SLC17A1: variants seen among roughly 807,000 people sequenced by gnomAD.
The protein encoded by SLC17A1 is sodium-dependent phosphate transport protein 1.
A neutral mutation model predicts 53.5 loss-of-function variants in SLC17A1; 51 were observed. That is an observed-to-expected ratio of 0.95 (90% CI 0.76 to 1.20). The LOEUF is 1.20. Ranked by LOEUF, SLC17A1 falls within the 50% of genes most tolerant of loss-of-function variation. The pLI is 0.00. For synonymous variants in SLC17A1, 179 were observed against 198.8 expected (o/e 0.90, Z 0.84); for missense variants, 538 against 568.2 (o/e 0.95, Z 0.54).
chr6:25,783,999 T>TG (rs5875066), intron 12 of SLC17A1, among the ~76,000 whole-genome samples: 104,696 of 151,946 alleles, frequency 0.69, 37,161 homozygotes, highest in East Asian at 0.92. Context: ...GGTTCTAAAC[T>TG]GGGTGTCAAT....
At chr6:25,787,663 C>T (rs1763413803) in intron 12 of SLC17A1, among the ~76,000 whole-genome samples, 1 of 152,220 alleles carries the variant, frequency 6.6e-6, no homozygotes, top group South Asian at 2.1e-4. Flanking sequence ...ACAACTTAAG[C>T]ATTGTGAAAC....
At chr6:25,790,928 T>C (rs950669635) in intron 12 of SLC17A1, among the ~76,000 whole-genome samples, 1 of 152,164 alleles carries the variant, frequency 6.6e-6, no homozygotes, top group Non-Finnish European at 1.5e-5. Context: ...CAATAGTTTT[T>C]TCAGTTAAAA....
At chr6:25,794,244 G>C (rs1763559892) in intron 12 of SLC17A1, among the ~76,000 whole-genome samples, 1 of 152,046 alleles carries the variant, frequency 6.6e-6, no homozygotes, top group Non-Finnish European at 1.5e-5. Context: ...CCTTAAATCT[G>C]CCTCTCCTTA....
chr6:25,764,493 G>A, the SLC17A1 span, among the ~76,000 whole-genome samples: 1 of 152,162 alleles, frequency 6.6e-6, no homozygotes, highest in African/African-American at 2.4e-5. Context: ...TGAAACTAAG[G>A]AATTATTCCT....
At chr6:25,776,979 C>G in the SLC17A1 span, 2 of 1,592,564 alleles carry the variant, frequency 1.3e-6, no homozygotes, top group Admixed American at 1.7e-5. Flanking sequence ...TCTTTTGCCT[C>G]ATCCTTTCAG....
the SLC17A1 span, among the ~76,000 whole-genome samples, chr6:25,772,901 T>C: frequency 6.6e-6 from 1 of 152,212 alleles, no homozygotes; most frequent in Non-Finnish European, 1.5e-5. Context: ...AATCATTTAT[T>C]CCCATGGTTC....
At chr6:25,725,018 A>AT in the SLC17A1 span, among the ~76,000 whole-genome samples, 92,779 of 141,936 alleles carry the variant, frequency 0.65, 30,793 homozygotes, top group Middle Eastern at 0.76. Context: ...TAACCAAATG[A>AT]TTTTTTTTTT....
the SLC17A1 span, among the ~76,000 whole-genome samples, chr6:25,750,206 C>T: frequency 3.3e-5 from 5 of 152,244 alleles, no homozygotes; most frequent in Non-Finnish European, 4.4e-5. Flanking sequence ...GGCAGTAGTA[C>T]TTAATTTGCA....
chr6:25,731,358 G>A, the SLC17A1 span, among the ~76,000 whole-genome samples: 19 of 152,350 alleles, frequency 1.2e-4, no homozygotes, highest in East Asian at 3.5e-3. Flanking sequence ...TATGGCCAAA[G>A]TCAAGAAAAA....
chr6:25,772,411 G>C, the SLC17A1 span, among the ~76,000 whole-genome samples: 109,856 of 152,064 alleles, frequency 0.72, 43,854 homozygotes, highest in East Asian at 0.94. Context: ...AGCAAAAAGC[G>C]TGGTGTATAG....
chr6:25,774,499 A>G, the SLC17A1 span, among the ~76,000 whole-genome samples: 1 of 152,324 alleles, frequency 6.6e-6, no homozygotes, highest in African/African-American at 2.4e-5. Context: ...GCATGCAAGC[A>G]GGCTGCAGGC....
At chr6:25,790,246 A>C (rs1374368311) in intron 12 of SLC17A1, among the ~76,000 whole-genome samples, 1 of 152,144 alleles carries the variant, frequency 6.6e-6, no homozygotes, top group Non-Finnish European at 1.5e-5. Context: ...CCAATAGATT[A>C]ATGAAGCCCA....
the SLC17A1 span, among the ~76,000 whole-genome samples, chr6:25,725,419 A>G: frequency 6.6e-6 from 1 of 152,228 alleles, no homozygotes; most frequent in Non-Finnish European, 1.5e-5. Flanking sequence ...AGATTAACTT[A>G]CTTACATGCC....
chr6:25,767,797 G>A, the SLC17A1 span, among the ~76,000 whole-genome samples: 10 of 152,032 alleles, frequency 6.6e-5, no homozygotes, highest in African/African-American at 1.9e-4. Flanking sequence ...AATGAAATAC[G>A]TGTTGCAAAC....
chr6:25,815,643 C>G (rs2151495836), intron 6 of SLC17A1, among the ~76,000 whole-genome samples: 1 of 152,214 alleles, frequency 6.6e-6, no homozygotes, highest in East Asian at 1.9e-4. Context: ...AGACACAGCT[C>G]TCCTCCAGAG....
chr6:25,786,298 C>A (rs1385586734), intron 12 of SLC17A1, among the ~76,000 whole-genome samples: 1 of 152,138 alleles, frequency 6.6e-6, no homozygotes, highest in Non-Finnish European at 1.5e-5. Context: ...TCAATGGTTG[C>A]TTAGAGCCTA....
chr6:25,735,495 C>T, the SLC17A1 span, among the ~76,000 whole-genome samples: 1 of 152,116 alleles, frequency 6.6e-6, no homozygotes, highest in African/African-American at 2.4e-5. Flanking sequence ...TCACAAACTC[C>T]TAATCTGGAA....
At chr6:25,795,689 G>A (rs1763589067) in intron 12 of SLC17A1, among the ~76,000 whole-genome samples, 1 of 152,048 alleles carries the variant, frequency 6.6e-6, no homozygotes, top group African/African-American at 2.4e-5. Context: ...AAATGGCTCA[G>A]TAAGGTGGAA....
chr6:25,783,675 C>T (rs867907032), intron 12 of SLC17A1, among the ~76,000 whole-genome samples: 1 of 152,148 alleles, frequency 6.6e-6, no homozygotes, highest in South Asian at 2.1e-4. Context: ...TATATTTTAT[C>T]CACAGCGATA....
Sources: allele counts gnomAD v4.1 joint callset (sites outside exome capture counted in the v4.1 genomes callset), GRCh38; gene constraint gnomAD v4.1.1; transcripts MANE v1.5; gene names NCBI Gene and HGNC (gene_info 2026-07-23, HGNC 2026-07-21).